Variants in TANC1 observed in about 807,000 individuals in gnomAD.
The protein encoded by TANC1 is protein TANC1.
TANC1 carries 77 observed loss-of-function variants against 149.7 expected under a neutral mutation model. That is an observed-to-expected ratio of 0.51 (90% CI 0.43 to 0.62). The LOEUF (loss-of-function observed/expected upper bound fraction) is 0.62. TANC1 is among the 20% of genes least tolerant of loss of function. The probability of loss-of-function intolerance (pLI) is 0.00; values close to 1 mark genes in which losing one functional copy is unlikely to be tolerated. For synonymous variants in TANC1, 854 were observed against 925.0 expected, an observed-to-expected ratio of 0.92 and a Z score of 1.39; for missense variants, 1,985 against 2,321.8, an observed-to-expected ratio of 0.85 and a Z score of 2.98.
rs529974012 is a variant in TANC1 at position 159,065,039 on chromosome 2, T to G, written c.-15-857T>G. On this transcript the variant is annotated intron_variant, in intron 2 of 26. Coordinates refer to ENST00000263635, the MANE Select transcript of TANC1 (RefSeq NM_033394.3). ...CAACCCACTAAGATTGGTTACCATCTGGGGTTGTTCAGCCATCTCATCTGA... is the reference window on the plus strand; with the variant it reads ...CAACCCACTAAGATTGGTTACCATCGGGGGTTGTTCAGCCATCTCATCTGA... Among the ~76,000 whole-genome samples, 16 of 152,296 alleles carry G rather than the reference T, an allele frequency of 1.1e-4. No homozygotes were observed. In the East Asian group the frequency reaches 2.9e-3, roughly 28 times the overall value.
chr2:159,121,636 G>A (rs1214227507), intron 4 of TANC1, among the ~76,000 whole-genome samples: 1 of 152,166 alleles, frequency 6.6e-6, no homozygotes, highest in African/African-American at 2.4e-5. Context: ...TACGAGAAAG[G>A]CAATAGCATA....
rs1559326332 is a variant in TANC1 at position 159,136,053 on chromosome 2, C to CGT, written c.260-140_260-139insTG. On this transcript the variant is annotated intron_variant, in intron 4 of 26. Transcript: ENST00000263635. ...GTGTGTGTGTGTGTGTGTGTGTGCG[C>CGT]GCGCGCGCGTTTAAGGGAGGGGAAG... 9.3e-3 allele frequency: 2,996 copies of CGT among 321,942 alleles called. 212 individuals are homozygous for CGT. Among genetic ancestry groups the CGT allele is most frequent in the Middle Eastern group, 0.019 (25 of 1,304 alleles). The allele number at this position is 321,942 out of a possible 1,614,324, so 19.9% of individuals were successfully genotyped here. A position where few individuals can be genotyped will look rare whatever the true frequency, so the allele number is the denominator to read the frequency against.
intron 4 of TANC1, among the ~76,000 whole-genome samples, chr2:159,114,640 G>T (rs994391504): frequency 6.6e-6 from 1 of 152,058 alleles, no homozygotes; most frequent in Non-Finnish European, 1.5e-5. Context: ...ATTTTTATTT[G>T]CATTTTGACA....
intron 4 of TANC1, among the ~76,000 whole-genome samples, chr2:159,109,374 T>C (rs778863599): frequency 8.5e-5 from 13 of 152,132 alleles, no homozygotes; most frequent in Non-Finnish European, 1.8e-4. Flanking sequence ...CCCCCCAAAA[T>C]TGATGTTGAA....
At chr2:159,216,243 A>C (rs2059337662) in intron 19 of TANC1, among the ~76,000 whole-genome samples, 1 of 152,060 alleles carries the variant, frequency 6.6e-6, no homozygotes, top group African/African-American at 2.4e-5. Context: ...GTGTTGCCCC[A>C]TTTTCAGCCT....
intron 16 of TANC1, among the ~76,000 whole-genome samples, chr2:159,189,623 ATTT>A (rs2057291108): frequency 6.6e-6 from 1 of 151,872 alleles, no homozygotes; most frequent in African/African-American, 2.4e-5. Context: ...TTTTATCCTC[ATTT>A]TTTTAGATGA....
At chr2:159,173,546 A>G (rs1409382257) in intron 11 of TANC1, among the ~76,000 whole-genome samples, 1 of 152,240 alleles carries the variant, frequency 6.6e-6, no homozygotes, top group African/African-American at 2.4e-5. Context: ...CGGAGGCTGC[A>G]GTGAGCCAAG....
At chr2:159,089,350 G>A (rs906787216) in intron 3 of TANC1, among the ~76,000 whole-genome samples, 5 of 152,138 alleles carry the variant, frequency 3.3e-5, no homozygotes, top group African/African-American at 1.2e-4. Flanking sequence ...GCCTTGCCAG[G>A]ACTGCTAGCC....
intron 4 of TANC1, among the ~76,000 whole-genome samples, chr2:159,133,653 A>G (rs1001706101): frequency 1.1e-4 from 16 of 151,902 alleles, no homozygotes; most frequent in Non-Finnish European, 1.5e-4. Context: ...GTGGATATAT[A>G]TATATGTTGT....
At chr2:159,154,720 T>C (rs768146976) in intron 7 of TANC1, among the ~76,000 whole-genome samples, 1 of 152,256 alleles carries the variant, frequency 6.6e-6, no homozygotes, top group Non-Finnish European at 1.5e-5. Context: ...GAATTCCCTA[T>C]GATTATCTTT....
chr2:159,166,350 G>A (rs1209434519), intron 8 of TANC1, among the ~76,000 whole-genome samples: 1 of 152,146 alleles, frequency 6.6e-6, no homozygotes, highest in African/African-American at 2.4e-5. Context: ...TTTAGCAAAT[G>A]TTCTTCTTTG....
intron 19 of TANC1, among the ~76,000 whole-genome samples, chr2:159,212,919 CAAA>C (rs35369711): frequency 0.012 from 1,395 of 114,918 alleles, 20 homozygotes; most frequent in African/African-American, 0.041. Context: ...GACACCGTCT[CAAA>C]AAAAAAAAAA....
At chr2:159,224,805 C>A (rs1329382117) in intron 23 of TANC1, 6 of 166,580 alleles carry the variant, frequency 3.6e-5, no homozygotes, top group Admixed American at 1.1e-4. Flanking sequence ...TTCATGGAGA[C>A]AAACTAGGAC....
rs972524113 is a variant in TANC1 at position 159,101,057 on chromosome 2, A to C, written c.259+3223A>C. On this transcript the variant is annotated intron_variant, in intron 4 of 26. Transcript: ENST00000263635. ...CTGGCCCCACAGTGGGTCATGCTCC[A>C]GGGTCGTGCCATCATTCAGACATGT... Among the ~76,000 whole-genome samples the C allele has an allele frequency of 9.8e-5, 15 of 152,302 alleles. 1 individual carries two copies. Among genetic ancestry groups the C allele is most frequent in the Admixed American group, 7.8e-4 (12 of 15,298 alleles).
chr2:159,177,783 G>A (rs1029292338), intron 13 of TANC1, among the ~76,000 whole-genome samples: 1 of 152,186 alleles, frequency 6.6e-6, no homozygotes, highest in Non-Finnish European at 1.5e-5. Context: ...TTTGCTTTTA[G>A]GTGTCAGATG....
At chr2:159,025,488 C>G (rs977858215) in intron 2 of TANC1, among the ~76,000 whole-genome samples, 1 of 152,028 alleles carries the variant, frequency 6.6e-6, no homozygotes, top group Non-Finnish European at 1.5e-5. Flanking sequence ...ATGTAATTCC[C>G]TTTGTAAATA....
chr2:159,064,462 G>C (rs2042501891), intron 2 of TANC1, among the ~76,000 whole-genome samples: 3 of 152,142 alleles, frequency 2.0e-5, no homozygotes, highest in Non-Finnish European at 2.9e-5. Context: ...AGTTTTGTTT[G>C]ATTGTTGTTG....
intron 2 of TANC1, among the ~76,000 whole-genome samples, chr2:159,062,994 A>AAAAAAAAAAAAAAAAAAAAAAAAAAAC (rs2042372830): frequency 6.7e-6 from 1 of 148,194 alleles, no homozygotes; most frequent in Non-Finnish European, 1.5e-5. Flanking sequence ...AAAAAAAAAA[A>AAAAAAAAAAAAAAAAAAAAAAAAAAAC]AGAAAGCAAA....
intron 5 of TANC1, among the ~76,000 whole-genome samples, chr2:159,146,085 G>A (rs2052047893): frequency 6.6e-6 from 1 of 152,188 alleles, no homozygotes; most frequent in Non-Finnish European, 1.5e-5. Context: ...AGTATTTAGT[G>A]AACAGCTATG....
Sources: allele counts gnomAD v4.1 joint callset (sites outside exome capture counted in the v4.1 genomes callset), GRCh38; gene constraint gnomAD v4.1.1; transcripts MANE v1.5; gene names NCBI Gene and HGNC (gene_info 2026-07-23, HGNC 2026-07-21).